Variants in PCDHA6 observed in about 807,000 individuals in gnomAD.
PCDHA6 encodes protocadherin alpha-6.
In PCDHA6, 55 loss-of-function variants were observed where a neutral mutation model predicts 60.3. That is an observed-to-expected ratio of 0.91 (90% CI 0.73 to 1.14). PCDHA6 has a LOEUF of 1.14. Among genes scored for constraint, PCDHA6 ranks in the 50% most tolerant of loss-of-function variants. PCDHA6 has a pLI of 0.00. For missense variants in PCDHA6, 1,327 were observed against 1,256.5 expected (o/e 1.06, Z -0.85); for synonymous variants, 652 against 557.9 (o/e 1.17, Z -2.38).
At chr5:141,006,637 T>C (rs782585273) in intron 3 of PCDHA6, among the ~76,000 whole-genome samples, 8 of 152,118 alleles carry the variant, frequency 5.3e-5, no homozygotes, top group Non-Finnish European at 1.2e-4. Flanking sequence ...GCAATTCATA[T>C]AAGAGATGAT....
Position 140,843,641 on chromosome 5 carries a change from C to T in PCDHA6, c.2394+13156C>T, listed in dbSNP as rs1231976546. ...GAAGACGGACCTCATGGCCTTCAGCCCCTGCCTTCCTCCTGATCTGGGATC... is the reference window on the plus strand; with the variant it reads ...GAAGACGGACCTCATGGCCTTCAGCTCCTGCCTTCCTCCTGATCTGGGATC... On this transcript the variant is annotated intron_variant, in intron 1 of 3. Transcript: ENST00000529310. 2.4e-5 allele frequency: 38 copies of T among 1,595,398 alleles called. 1 individual carries two copies. The highest frequency in any genetic ancestry group is 4.5e-5 in the East Asian group (2 of 44,832).
chr5:140,856,362 T>A, intron 1 of PCDHA6: 3 of 1,598,570 alleles, frequency 1.9e-6, no homozygotes, highest in Non-Finnish European at 2.6e-6. Flanking sequence ...AGCATCCACC[T>A]GGAGGTGATC....
chr5:140,891,148 A>C (rs913917156), intron 1 of PCDHA6, among the ~76,000 whole-genome samples: 2 of 151,726 alleles, frequency 1.3e-5, no homozygotes, highest in Non-Finnish European at 2.9e-5. Flanking sequence ...TATTCTGTTT[A>C]TTTTCCTTTG....
chr5:140,972,290 C>T (rs1331683497), intron 1 of PCDHA6, among the ~76,000 whole-genome samples: 1 of 151,820 alleles, frequency 6.6e-6, no homozygotes, highest in African/African-American at 2.4e-5. Flanking sequence ...TAGATGTGCG[C>T]CACCGTGTCT....
At chr5:140,924,901 A>AAAAATAAAAT (rs10667761) in intron 1 of PCDHA6, among the ~76,000 whole-genome samples, 205 of 80,488 alleles carry the variant, frequency 2.5e-3, no homozygotes, top group South Asian at 0.019. Flanking sequence ...TCTCAAAAAA[A>AAAAATAAAAT]AAAATAAAAT....
At chr5:140,883,757 C>A (rs369534214) in intron 1 of PCDHA6, 175 of 1,612,790 alleles carry the variant, frequency 1.1e-4, no homozygotes, top group Non-Finnish European at 1.5e-4. Flanking sequence ...GCTGGTGGAG[C>A]GGCGGGTGGG....
At chr5:140,895,038 C>G (rs1554186328) in intron 1 of PCDHA6, among the ~76,000 whole-genome samples, 1 of 152,104 alleles carries the variant, frequency 6.6e-6, no homozygotes, top group African/African-American at 2.4e-5. Context: ...TGTCCCCCAC[C>G]CACACCATTC....
At chr5:140,911,518 T>C (rs531265598) in intron 1 of PCDHA6, among the ~76,000 whole-genome samples, 1 of 152,346 alleles carries the variant, frequency 6.6e-6, no homozygotes, top group East Asian at 1.9e-4. Flanking sequence ...TATCTGCTTC[T>C]GAAGCTAGGA....
chr5:140,830,260 C>T lies in PCDHA6; in HGVS notation c.2169C>T (p.Cys723=). The T allele has an allele frequency of 6.2e-7, 1 of 1,613,632 alleles. No individual in the cohort carries two copies. Among genetic ancestry groups the T allele is most frequent in the Non-Finnish European group, 8.5e-7 (1 of 1,179,674 alleles). ...LTLLLYTALR[C]SAPPTEGACT... is the part of the protein sequence containing the mutation. ...TACTGCTGTACACAGCGCTGCGGTG[C>T]TCGGCGCCACCCACCGAGGGCGCGT... The change falls in exon 1 of 4, where the codon TGC becomes TGT. Residue 723 remains cysteine (C), a synonymous_variant. Coordinates refer to ENST00000529310, the MANE Select transcript of PCDHA6 (RefSeq NM_018909.4).
At chr5:140,841,682 G>T (rs2150320729) in intron 1 of PCDHA6, 21 of 1,613,844 alleles carry the variant, frequency 1.3e-5, no homozygotes, top group South Asian at 5.5e-5. Context: ...CCATGTGGAC[G>T]TGGAGGTGAA....
chr5:140,979,060 C>T, intron 2 of PCDHA6, 53 bp downstream of exon 2: 1 of 1,606,180 alleles, frequency 6.2e-7, no homozygotes, highest in Non-Finnish European at 8.5e-7. Context: ...TGGTATGGCT[C>T]AGATAAACTG....
chr5:140,966,501 C>A (rs993120522), intron 1 of PCDHA6: 8 of 436,558 alleles, frequency 1.8e-5, no homozygotes, highest in Admixed American at 8.7e-5. Flanking sequence ...GGAGCTGTAG[C>A]GGCAGCAGCA....
At chr5:140,877,681 C>T (rs1554169975) in intron 1 of PCDHA6, 2 of 1,613,678 alleles carry the variant, frequency 1.2e-6, no homozygotes, top group Non-Finnish European at 1.7e-6. Context: ...GCCGGGCAAG[C>T]CCACGCTGGT....
chr5:140,836,007 G>A (rs2150250458), intron 1 of PCDHA6: 5 of 1,613,296 alleles, frequency 3.1e-6, no homozygotes, highest in South Asian at 1.1e-5. Context: ...CGATGCGGGC[G>A]TGCCGCCTCT....
chr5:140,885,160 CTTTT>C (rs370486132), intron 1 of PCDHA6, among the ~76,000 whole-genome samples: 314 of 152,080 alleles, frequency 2.1e-3, no homozygotes, highest in African/African-American at 7.4e-3. Context: ...ATTGTCTCTA[CTTTT>C]TTGTCCTCTA....
intron 1 of PCDHA6, among the ~76,000 whole-genome samples, chr5:140,838,797 C>T (rs1775892609): frequency 6.6e-6 from 1 of 151,930 alleles, no homozygotes; most frequent in African/African-American, 2.4e-5. Flanking sequence ...TGATGCATGT[C>T]TGTAGTTTCA....
intron 3 of PCDHA6, among the ~76,000 whole-genome samples, chr5:140,984,861 C>T (rs1163314869): frequency 6.6e-6 from 1 of 151,870 alleles, no homozygotes; most frequent in Non-Finnish European, 1.5e-5. Flanking sequence ...ATAATAACAC[C>T]TATTTTATTG....
chr5:140,900,233 GT>G (rs1261263702), intron 1 of PCDHA6, among the ~76,000 whole-genome samples: 15 of 151,946 alleles, frequency 9.9e-5, no homozygotes, highest in African/African-American at 2.7e-4. Context: ...ACTGGATCTT[GT>G]TTTTTTTATG....
At chr5:141,005,500 G>A (rs954556024) in intron 3 of PCDHA6, among the ~76,000 whole-genome samples, 2 of 151,574 alleles carry the variant, frequency 1.3e-5, no homozygotes, top group East Asian at 1.9e-4. Flanking sequence ...TCAGGAGATC[G>A]AGACCATCCT....
Sources: allele counts gnomAD v4.1 joint callset (sites outside exome capture counted in the v4.1 genomes callset), GRCh38; gene constraint gnomAD v4.1.1; transcripts MANE v1.5; gene names NCBI Gene and HGNC (gene_info 2026-07-23, HGNC 2026-07-21).